Variants in TYW1 observed in about 807,000 individuals in gnomAD.
TYW1 encodes S-adenosyl-L-methionine-dependent tRNA 4-demethylwyosine synthase TYW1.
A neutral mutation model predicts 96.2 loss-of-function variants in TYW1; 46 were observed. That is an observed-to-expected ratio of 0.48 (90% CI 0.38 to 0.61). TYW1 has a LOEUF of 0.61. TYW1 is among the 20% of genes least tolerant of loss of function. TYW1 has a pLI of 0.00. For synonymous variants in TYW1, 274 were observed against 323.0 expected (o/e 0.85, Z 1.63); for missense variants, 684 against 909.6 (o/e 0.75, Z 3.19).
At chr7:67,020,943 G>T (rs185418608) in intron 6 of TYW1, among the ~76,000 whole-genome samples, 1 of 152,388 alleles carries the variant, frequency 6.6e-6, no homozygotes, top group South Asian at 2.1e-4. Context: ...CAGGAGAATC[G>T]CTTGAACTTG....
chr7:67,016,592 T>C (rs1794033196), intron 5 of TYW1, among the ~76,000 whole-genome samples: 1 of 152,164 alleles, frequency 6.6e-6, no homozygotes, highest in Non-Finnish European at 1.5e-5. Context: ...CATTCTATTG[T>C]TGTGTCACAA....
intron 12 of TYW1, among the ~76,000 whole-genome samples, chr7:67,116,380 T>TAG (rs927391212): frequency 4.6e-5 from 7 of 151,388 alleles, no homozygotes; most frequent in African/African-American, 1.7e-4. Flanking sequence ...AGGTTTAATG[T>TAG]AGAACTTGCA....
At chr7:67,208,196 A>G (rs1012600515) in intron 15 of TYW1, among the ~76,000 whole-genome samples, 1 of 151,386 alleles carries the variant, frequency 6.6e-6, no homozygotes, top group African/African-American at 2.4e-5. Context: ...GCGTGTGCCC[A>G]TGTAGTCCCA....
chr7:67,179,070 T>G (rs942278131), intron 13 of TYW1, among the ~76,000 whole-genome samples: 2 of 141,284 alleles, frequency 1.4e-5, no homozygotes, highest in Non-Finnish European at 3.1e-5. Context: ...TACAGCTCCT[T>G]GCAGAGCAGG....
chr7:67,160,946 A>G (rs1799145973), intron 13 of TYW1, among the ~76,000 whole-genome samples: 1 of 152,150 alleles, frequency 6.6e-6, no homozygotes, highest in African/African-American at 2.4e-5. Context: ...ACCCTCCCCA[A>G]GTGGATAAAT....
At chr7:67,026,146 C>G (rs975897400) in intron 7 of TYW1, among the ~76,000 whole-genome samples, 8 of 152,188 alleles carry the variant, frequency 5.3e-5, no homozygotes, top group African/African-American at 1.9e-4. Context: ...AATCTCGGCT[C>G]ACTGCAACCT....
chr7:67,200,722 G>C (rs1033653766), intron 15 of TYW1, among the ~76,000 whole-genome samples: 12 of 152,206 alleles, frequency 7.9e-5, no homozygotes, highest in Non-Finnish European at 5.9e-5. Flanking sequence ...TGTAATCAGA[G>C]CTATGGTGGA....
chr7:67,234,116 G>C (rs1435117595), intron 15 of TYW1, among the ~76,000 whole-genome samples: 1 of 135,012 alleles, frequency 7.4e-6, no homozygotes, highest in African/African-American at 3.0e-5. Flanking sequence ...GGAGATCAAG[G>C]TGGGAGGATC....
intron 13 of TYW1, among the ~76,000 whole-genome samples, chr7:67,143,296 A>G (rs1312294672): frequency 6.6e-6 from 1 of 152,154 alleles, no homozygotes; most frequent in African/African-American, 2.4e-5. Flanking sequence ...GGACTTGGTG[A>G]GAAGTGCTGG....
intron 7 of TYW1, among the ~76,000 whole-genome samples, chr7:67,029,382 C>CGTGTGTGT (rs67162571): frequency 0.019 from 2,057 of 106,754 alleles, 103 homozygotes; most frequent in Admixed American, 0.048. Flanking sequence ...TGTGTGTGTG[C>CGTGTGTGT]GTGTGTGTGT....
At chr7:67,079,109 A>C (rs1358158700) in intron 10 of TYW1, among the ~76,000 whole-genome samples, 1 of 151,126 alleles carries the variant, frequency 6.6e-6, no homozygotes, top group African/African-American at 2.4e-5. Context: ...TATAATACTG[A>C]GTTTCTAAGA....
At chr7:67,143,585 G>A (rs1224769858) in intron 13 of TYW1, among the ~76,000 whole-genome samples, 11 of 152,160 alleles carry the variant, frequency 7.2e-5, no homozygotes, top group South Asian at 6.2e-4. Flanking sequence ...GGGAAAGCAC[G>A]TGTGGCTTGT....
intron 13 of TYW1, among the ~76,000 whole-genome samples, chr7:67,168,829 A>G (rs1799433658): frequency 6.6e-6 from 1 of 151,928 alleles, no homozygotes; most frequent in South Asian, 2.1e-4. Context: ...CTCCTGCCTC[A>G]GCCTCCCGAG....
intron 15 of TYW1, among the ~76,000 whole-genome samples, chr7:67,195,820 A>G (rs1312843755): frequency 1.4e-5 from 2 of 145,342 alleles, no homozygotes; most frequent in East Asian, 3.9e-4. Context: ...TCCTTTTATT[A>G]GATAGAACAA....
chr7:67,161,798 C>T (rs1799169951), intron 13 of TYW1, among the ~76,000 whole-genome samples: 1 of 152,130 alleles, frequency 6.6e-6, no homozygotes, highest in African/African-American at 2.4e-5. Flanking sequence ...GGCTCATCTT[C>T]CTATCATTCC....
intron 12 of TYW1, among the ~76,000 whole-genome samples, chr7:67,107,981 G>C (rs11769645): frequency 6.6e-6 from 1 of 150,632 alleles, no homozygotes; most frequent in Non-Finnish European, 1.5e-5. Context: ...GGTTCAAGCA[G>C]TTCTCATGCC....
At chr7:67,211,609 C>A (rs1801027349) in intron 15 of TYW1, among the ~76,000 whole-genome samples, 1 of 152,174 alleles carries the variant, frequency 6.6e-6, no homozygotes, top group African/African-American at 2.4e-5. Flanking sequence ...TACCTATATT[C>A]AAGTGAACAC....
chr7:67,016,801 A>AT (rs1386235452), intron 5 of TYW1, among the ~76,000 whole-genome samples: 1 of 151,576 alleles, frequency 6.6e-6, no homozygotes, highest in African/African-American at 2.4e-5. Context: ...TAGTTTTTGT[A>AT]TTTTTTGTAG....
intron 14 of TYW1, among the ~76,000 whole-genome samples, chr7:67,193,102 A>C (rs1800274293): frequency 6.6e-6 from 1 of 152,106 alleles, no homozygotes; most frequent in South Asian, 2.1e-4. Context: ...TTTAAATCTC[A>C]CAAGCAGAGG....
Sources: gnomAD v4.1 joint callset for allele counts (sites outside exome capture counted in the v4.1 genomes callset) on GRCh38, gnomAD v4.1.1 for gene constraint, MANE v1.5 for transcripts, NCBI Gene and HGNC (gene_info 2026-07-23, HGNC 2026-07-21) for gene names.